The following KIAA1549L variants were observed in gnomAD, a reference collection of about 807,000 sequenced individuals.
KIAA1549L encodes the protein UPF0606 protein KIAA1549L.
KIAA1549L carries 88 observed loss-of-function variants against 160.7 expected under a neutral mutation model. The observed-to-expected ratio is 0.55, with a 90% CI of 0.46 to 0.65. The LOEUF (loss-of-function observed/expected upper bound fraction) is 0.65. Among genes scored for constraint, KIAA1549L ranks in the 30% least tolerant of loss-of-function variants. The probability of loss-of-function intolerance (pLI) is 0.00; values close to 1 mark genes in which losing one functional copy is unlikely to be tolerated. For missense variants in KIAA1549L, 2,258 were observed against 2,437.5 expected, an observed-to-expected ratio of 0.93 and a Z score of 1.55; for synonymous variants, 950 against 976.7, an observed-to-expected ratio of 0.97 and a Z score of 0.51.
intron 20 of KIAA1549L, among the ~76,000 whole-genome samples, chr11:33,663,539 A>G (rs1852335450): frequency 6.6e-6 from 1 of 152,192 alleles, no homozygotes. Context: ...CCCAGCCACC[A>G]GCACCAACAA....
intron 1 of KIAA1549L, among the ~76,000 whole-genome samples, chr11:33,414,981 A>G (rs951271446): frequency 2.4e-4 from 36 of 152,008 alleles, no homozygotes; most frequent in African/African-American, 8.7e-4. Flanking sequence ...TGAAAAGGCA[A>G]TTTGTCATTT....
intron 1 of KIAA1549L, among the ~76,000 whole-genome samples, chr11:33,514,650 A>G (rs1590302006): frequency 6.6e-6 from 1 of 152,230 alleles, no homozygotes; most frequent in African/African-American, 2.4e-5. Context: ...TCATATACCA[A>G]CCAGCCAATT....
chr11:33,454,622 G>A (rs190746105), intron 1 of KIAA1549L, among the ~76,000 whole-genome samples: 4 of 152,276 alleles, frequency 2.6e-5, no homozygotes, highest in Non-Finnish European at 4.4e-5. Context: ...ATTATGCTCA[G>A]TGGATGCTGT....
intron 1 of KIAA1549L, among the ~76,000 whole-genome samples, chr11:33,514,016 A>G (rs1277601403): frequency 6.6e-6 from 1 of 152,224 alleles, no homozygotes; most frequent in Non-Finnish European, 1.5e-5. Flanking sequence ...AGTGAATGAC[A>G]AAGGAAGATG....
intron 1 of KIAA1549L, among the ~76,000 whole-genome samples, chr11:33,462,077 G>A (rs527457705): frequency 9.2e-5 from 14 of 152,306 alleles, no homozygotes; most frequent in South Asian, 2.1e-4. Flanking sequence ...TTTTTAATCC[G>A]TAAGCGGATC....
intron 1 of KIAA1549L, among the ~76,000 whole-genome samples, chr11:33,478,557 C>CT: frequency 6.6e-6 from 1 of 152,290 alleles, no homozygotes; most frequent in Non-Finnish European, 1.5e-5. Flanking sequence ...TTTTAAAGAG[C>CT]TGGTCACAGA....
At chr11:33,517,078 A>C (rs1309491074) in intron 1 of KIAA1549L, among the ~76,000 whole-genome samples, 1 of 152,146 alleles carries the variant, frequency 6.6e-6, no homozygotes, top group Non-Finnish European at 1.5e-5. Context: ...TAGAACACTC[A>C]TTTTTGCAGA....
chr11:33,457,762 G>A (rs147421477), intron 1 of KIAA1549L, among the ~76,000 whole-genome samples: 1 of 152,164 alleles, frequency 6.6e-6, no homozygotes, highest in Non-Finnish European at 1.5e-5. Context: ...TCTGACCTAG[G>A]TTTTGAAAGA....
intron 16 of KIAA1549L, among the ~76,000 whole-genome samples, chr11:33,620,915 A>G (rs1307631746): frequency 6.6e-6 from 1 of 152,210 alleles, no homozygotes; most frequent in Non-Finnish European, 1.5e-5. Context: ...TGATTTTCTA[A>G]AATTACCAGA....
At chr11:33,483,948 C>A (rs4755619) in intron 1 of KIAA1549L, among the ~76,000 whole-genome samples, 46,655 of 151,992 alleles carry the variant, frequency 0.31, 7,855 homozygotes, top group African/African-American at 0.43. Flanking sequence ...TTGTCTTTCC[C>A]ACTGAGGAAT....
At chr11:33,492,848 C>T (rs1319251771) in intron 1 of KIAA1549L, among the ~76,000 whole-genome samples, 4 of 149,686 alleles carry the variant, frequency 2.7e-5, no homozygotes, top group Admixed American at 6.6e-5. Context: ...TAGATCTCAG[C>T]GCTGTTTGGA....
intron 6 of KIAA1549L, among the ~76,000 whole-genome samples, chr11:33,554,248 A>G (rs1374111468): frequency 6.6e-6 from 1 of 152,200 alleles, no homozygotes; most frequent in East Asian, 1.9e-4. Context: ...CCTTTGTAGA[A>G]TAAGACCATG....
At chr11:33,578,144 A>C (rs1334407125) in intron 10 of KIAA1549L, among the ~76,000 whole-genome samples, 1 of 152,158 alleles carries the variant, frequency 6.6e-6, no homozygotes, top group Non-Finnish European at 1.5e-5. Context: ...GGTGAGGCTA[A>C]GGGACTTTGC....
chr11:33,392,137 A>G (rs1850282982), intron 1 of KIAA1549L, among the ~76,000 whole-genome samples: 1 of 152,226 alleles, frequency 6.6e-6, no homozygotes, highest in African/African-American at 2.4e-5. Flanking sequence ...TAAGTAGTGG[A>G]GCTGGGATTT....
Position 33,543,880 on chromosome 11 carries a change from A to C in KIAA1549L, c.2317A>C (p.Ser773Arg). Residue 773 changes from serine to arginine, a missense_variant, in exon 2 of 21, where the codon AGT becomes CGT. This residue lies in a region of KIAA1549L where 287 missense variants were observed against 292.3 expected (regional missense o/e 0.98). Coordinates refer to ENST00000658780, the MANE Select transcript of KIAA1549L (RefSeq NM_012194.3). ...GCATTCAGTGACTGCAGAAGGGTTT[A>C]GTATTCAGGATCTAGTCCTCGGTAC... ...AGHSVTAEGFSIQDLVLGTSI... is the reference protein window; with the variant it reads ...AGHSVTAEGFRIQDLVLGTSI... 6.2e-7 allele frequency: 1 copy of C among 1,614,054 alleles called. No individual in the cohort carries two copies. The highest frequency in any genetic ancestry group is 1.1e-5 in the South Asian group (1 of 91,084).
chr11:33,585,225 A>G (rs931547056), intron 11 of KIAA1549L, among the ~76,000 whole-genome samples: 2 of 152,186 alleles, frequency 1.3e-5, no homozygotes, highest in African/African-American at 2.4e-5. Context: ...CTCTTCCAAG[A>G]GTGTGCATTT....
At chr11:33,664,322 C>T (rs909344984) in intron 20 of KIAA1549L, among the ~76,000 whole-genome samples, 8 of 139,558 alleles carry the variant, frequency 5.7e-5, no homozygotes, top group Non-Finnish European at 1.1e-4. Context: ...TATAGACTCC[C>T]CCTCTGCCTG....
chr11:33,490,716 G>A (rs773763991), intron 1 of KIAA1549L, among the ~76,000 whole-genome samples: 48 of 152,168 alleles, frequency 3.2e-4, no homozygotes, highest in Non-Finnish European at 5.7e-4. Context: ...TCTAGTTCCA[G>A]CTGCAGTTAG....
chr11:33,431,843 C>T (rs1029332372), intron 1 of KIAA1549L, among the ~76,000 whole-genome samples: 10 of 152,300 alleles, frequency 6.6e-5, no homozygotes, highest in African/African-American at 1.4e-4. Flanking sequence ...CCAGGGAGGC[C>T]GGGGAAGGCT....
Sources: allele counts gnomAD v4.1 joint callset (sites outside exome capture counted in the v4.1 genomes callset), GRCh38; gene constraint gnomAD v4.1.1; regional missense constraint gnomAD v4.1.1; transcripts MANE v1.5; gene names NCBI Gene and HGNC (gene_info 2026-07-23, HGNC 2026-07-21).